Variants in ADAM18 observed in about 807,000 individuals in gnomAD.
The protein encoded by ADAM18 is disintegrin and metalloproteinase domain-containing protein 18.
ADAM18 carries 117 observed loss-of-function variants against 94.4 expected under a neutral mutation model. That is an observed-to-expected ratio of 1.24 (90% CI 1.07 to 1.45). ADAM18 has a LOEUF of 1.45. Ranked by LOEUF, ADAM18 falls within the 40% of genes most tolerant of loss-of-function variation. The probability of loss-of-function intolerance (pLI) is 0.00; values close to 1 mark genes in which losing one functional copy is unlikely to be tolerated. For missense variants in ADAM18, 936 were observed against 880.0 expected, an observed-to-expected ratio of 1.06 and a Z score of -0.81; for synonymous variants, 327 against 291.6, an observed-to-expected ratio of 1.12 and a Z score of -1.24.
chr8:39,669,274 T>C (rs1044614336), intron 14 of ADAM18, among the ~76,000 whole-genome samples: 1 of 151,254 alleles, frequency 6.6e-6, no homozygotes, highest in Non-Finnish European at 1.5e-5. Context: ...AGTTCTTTTT[T>C]GTTTTTTTTA....
chr8:39,597,223 T>C (rs1818768975), intron 2 of ADAM18, among the ~76,000 whole-genome samples: 1 of 152,158 alleles, frequency 6.6e-6, no homozygotes, highest in African/African-American at 2.4e-5. Flanking sequence ...TAATCTGTGG[T>C]TTATCTCTTC....
At chr8:39,649,094 T>C (rs1181419856) in intron 12 of ADAM18, among the ~76,000 whole-genome samples, 1 of 152,114 alleles carries the variant, frequency 6.6e-6, no homozygotes, top group Non-Finnish European at 1.5e-5. Flanking sequence ...ACTTAATCTA[T>C]TTTAAATGTT....
intron 2 of ADAM18, among the ~76,000 whole-genome samples, chr8:39,598,465 T>A (rs1425598265): frequency 6.6e-6 from 1 of 152,036 alleles, no homozygotes; most frequent in East Asian, 1.9e-4. Context: ...GCCATCGTTA[T>A]TATTATTCAA....
intron 6 of ADAM18, among the ~76,000 whole-genome samples, chr8:39,627,166 G>T (rs1397363054): frequency 1.3e-5 from 2 of 152,096 alleles, no homozygotes; most frequent in East Asian, 3.9e-4. Context: ...TGCTGATAAA[G>T]ACATACCCGA....
intron 1 of ADAM18, 112 bp from the exon 2 acceptor site, chr8:39,585,161 ACTT>A: frequency 1.4e-6 from 1 of 692,640 alleles, no homozygotes; most frequent in Middle Eastern, 2.4e-4. Flanking sequence ...ACATGAGAGA[ACTT>A]CTACTTAAAA....
chr8:39,584,725 C>T (rs1414034671), intron 1 of ADAM18, 48 bp downstream of exon 1: 2 of 1,595,222 alleles, frequency 1.3e-6, no homozygotes, highest in African/African-American at 1.3e-5. Flanking sequence ...TATAGCTGGG[C>T]TGGGCTCTTA....
intron 2 of ADAM18, among the ~76,000 whole-genome samples, chr8:39,601,265 C>T (rs573101254): frequency 1.4e-4 from 21 of 152,254 alleles, no homozygotes; most frequent in Admixed American, 2.6e-4. Context: ...AAACATATCA[C>T]TGCTGCACTG....
chr8:39,709,225 A>G (rs1822326882), intron 18 of ADAM18, among the ~76,000 whole-genome samples: 1 of 152,148 alleles, frequency 6.6e-6, no homozygotes, highest in African/African-American at 2.4e-5. Context: ...ATGGGGTGGG[A>G]AGGTAATCTT....
At chr8:39,706,766 T>C (rs748021699) in intron 17 of ADAM18, 24 bp from the exon 18 acceptor site, 15 of 1,362,834 alleles carry the variant, frequency 1.1e-5, no homozygotes, top group Non-Finnish European at 1.6e-5. Flanking sequence ...CGACTCAAAC[T>C]GTTTCTGTAT....
chr8:39,669,420 C>T (rs984052828), intron 14 of ADAM18, among the ~76,000 whole-genome samples: 7 of 149,330 alleles, frequency 4.7e-5, no homozygotes, highest in African/African-American at 9.8e-5. Flanking sequence ...CCCAGTAACT[C>T]GTCATTTAGC....
intron 14 of ADAM18, among the ~76,000 whole-genome samples, chr8:39,670,737 T>C (rs1374463689): frequency 6.6e-6 from 1 of 152,158 alleles, no homozygotes; most frequent in Non-Finnish European, 1.5e-5. Flanking sequence ...AATAGAATGC[T>C]AAAAGAAAAT....
intron 14 of ADAM18, among the ~76,000 whole-genome samples, chr8:39,671,533 G>A (rs986702906): frequency 6.6e-6 from 1 of 152,216 alleles, no homozygotes; most frequent in East Asian, 1.9e-4. Flanking sequence ...ATATAAGTTT[G>A]AATTCCTTAT....
chr8:39,718,651 G>A (rs1425746093), intron 18 of ADAM18, among the ~76,000 whole-genome samples: 2 of 149,604 alleles, frequency 1.3e-5, no homozygotes, highest in African/African-American at 4.9e-5. Flanking sequence ...TGTAGCTATA[G>A]TCAACAATAA....
chr8:39,698,637 C>T (rs1821987260), intron 17 of ADAM18, among the ~76,000 whole-genome samples: 1 of 151,940 alleles, frequency 6.6e-6, no homozygotes, highest in African/African-American at 2.4e-5. Flanking sequence ...TTTCTATTTC[C>T]TTACAAACCT....
In ADAM18 at chr8:39,700,935, G is replaced by A. The variant is rs551272049; in HGVS notation, c.1903-5855G>A. ...CGAGACCATCCTGGCTAAAAAAAAC[G>A]GTGAAACCCCGTCTCTACTAAAAAT... On this transcript the variant is annotated intron_variant, in intron 17 of 19. Transcript: ENST00000265707. Among the ~76,000 whole-genome samples the A allele has an allele frequency of 2.2e-3, 326 of 150,852 alleles. 1 individual carries two copies. The highest frequency in any genetic ancestry group is 3.7e-3 in the Non-Finnish European group (252 of 67,680).
chr8:39,706,855 GT>G lies in ADAM18; in HGVS notation c.1971del (p.Phe657LeufsTer35), dbSNP rs772866654. The G allele has an allele frequency of 1.1e-5, 18 of 1,611,094 alleles. No homozygotes were observed. Among genetic ancestry groups the G allele is most frequent in the Admixed American group, 6.7e-5 (4 of 59,946 alleles). Reference protein sequence around the residue: ...GHRPPDCKFQFGSPGGSIDDG... With the variant: ...GHRPPDCKFQXGSPGGSIDDG... ...ATAGACCTCCAGATTGTAAATTCCA[GT>G]TTGGTTCCCCAGGGGGTAGTATTGA... On this transcript the variant is annotated frameshift_variant, in exon 18 of 20. Transcript: ENST00000265707. LOFTEE classifies it high-confidence loss of function.
intron 2 of ADAM18, among the ~76,000 whole-genome samples, chr8:39,594,543 C>T (rs1335895247): frequency 6.6e-6 from 1 of 151,814 alleles, no homozygotes; most frequent in Non-Finnish European, 1.5e-5. Flanking sequence ...CTGAGAATGT[C>T]TTGATTATCT....
intron 2 of ADAM18, among the ~76,000 whole-genome samples, chr8:39,603,323 C>T (rs1198589995): frequency 6.6e-6 from 1 of 152,132 alleles, no homozygotes; most frequent in Non-Finnish European, 1.5e-5. Context: ...GTTCTTTCTT[C>T]TCAAAATTTT....
chr8:39,692,179 G>T (rs1821800730), intron 16 of ADAM18, among the ~76,000 whole-genome samples: 1 of 151,736 alleles, frequency 6.6e-6, no homozygotes, highest in African/African-American at 2.4e-5. Context: ...CAAAATTTAT[G>T]AATTATACTT....
Sources: gnomAD v4.1 joint callset for allele counts (sites outside exome capture counted in the v4.1 genomes callset) on GRCh38, gnomAD v4.1.1 for gene constraint, MANE v1.5 for transcripts, NCBI Gene and HGNC (gene_info 2026-07-23, HGNC 2026-07-21) for gene names.